Variants in DNAAF4 observed in about 807,000 individuals in gnomAD.
The protein encoded by DNAAF4 is dynein axonemal assembly factor 4.
A neutral mutation model predicts 51.8 loss-of-function variants in DNAAF4; 43 were observed. That is an observed-to-expected ratio of 0.83 (90% CI 0.65 to 1.07). The LOEUF (loss-of-function observed/expected upper bound fraction) is 1.07. DNAAF4 is among the 50% of genes least tolerant of loss of function. The pLI is 0.00. For missense variants in DNAAF4, 581 were observed against 493.0 expected (o/e 1.18, Z -1.69); for synonymous variants, 194 against 165.6 (o/e 1.17, Z -1.32).
chr15:55,457,438 T>C (rs2058036712), intron 5 of DNAAF4, among the ~76,000 whole-genome samples: 1 of 152,046 alleles, frequency 6.6e-6, no homozygotes, highest in South Asian at 2.1e-4. Flanking sequence ...CCAACTAACC[T>C]TGCCCCCACC....
intron 4 of DNAAF4, among the ~76,000 whole-genome samples, chr15:55,474,722 T>C (rs887487169): frequency 6.6e-6 from 1 of 152,174 alleles, no homozygotes; most frequent in Admixed American, 6.5e-5. Context: ...CTCATGCCTG[T>C]AATCCTAGCA....
intron 3 of DNAAF4, chr15:55,495,188 G>A (rs2141596683): frequency 7.9e-6 from 1 of 127,120 alleles, no homozygotes; most frequent in African/African-American, 3.2e-5. Context: ...AACTCTTTAG[G>A]TAGTCTGGGG....
chr15:55,464,835 A>G (rs2141499430), intron 5 of DNAAF4, among the ~76,000 whole-genome samples: 1 of 152,228 alleles, frequency 6.6e-6, no homozygotes, highest in African/African-American at 2.4e-5. Flanking sequence ...CATGCCTGTA[A>G]TCCTAGCTAC....
chr15:55,506,700 G>C (rs1056551473), intron 1 of DNAAF4, among the ~76,000 whole-genome samples: 2 of 152,016 alleles, frequency 1.3e-5, no homozygotes, highest in Non-Finnish European at 2.9e-5. Flanking sequence ...TAAGCCAAAT[G>C]TCTTTCAACA....
chr15:55,477,463 G>A (rs905702915), intron 4 of DNAAF4, among the ~76,000 whole-genome samples: 4 of 146,468 alleles, frequency 2.7e-5, no homozygotes, highest in African/African-American at 7.3e-5. Flanking sequence ...ATACCTGAAT[G>A]GCACTAATAG....
At chr15:55,478,166 A>C (rs1163958486) in intron 4 of DNAAF4, among the ~76,000 whole-genome samples, 1 of 152,174 alleles carries the variant, frequency 6.6e-6, no homozygotes, top group Non-Finnish European at 1.5e-5. Flanking sequence ...TTTTTGATTC[A>C]GGGGCAAGTT....
intron 6 of DNAAF4, among the ~76,000 whole-genome samples, chr15:55,446,300 GGGGGGGGGCAGC>G (rs2057811418): frequency 1.9e-5 from 2 of 104,492 alleles, no homozygotes; most frequent in Non-Finnish European, 3.8e-5. Context: ...CCCAGACGGG[GGGGGGGGGCAGC>G]TGGGCAGAGG....
chr15:55,427,306 T>G (rs1022862587), downstream of DNAAF4, among the ~76,000 whole-genome samples: 23 of 152,144 alleles, frequency 1.5e-4, no homozygotes, highest in African/African-American at 4.8e-4. Flanking sequence ...GGCCTCGTGA[T>G]CCACTCGCCT....
chr15:55,437,288 GAAGAA>G (rs2057628611), intron 7 of DNAAF4, among the ~76,000 whole-genome samples: 1 of 152,180 alleles, frequency 6.6e-6, no homozygotes, highest in Non-Finnish European at 1.5e-5. Context: ...AGGAAGAAAG[GAAGAA>G]GAGAAAGAGG....
Position 55,435,008 on chromosome 15 carries a change from A to G in DNAAF4, c.944T>C (p.Leu315Ser). 1 of 1,612,302 alleles carries G rather than the reference A, an allele frequency of 6.2e-7. No individual in the cohort carries two copies. Among genetic ancestry groups the G allele is most frequent in the East Asian group, 2.2e-5 (1 of 44,832 alleles). ...NYLAAINAYN[L>S]AIRLNNKMPL... Reference sequence around the variant, plus strand: ...CATCTTATTATTTAGTCTTATGGCTAAATTATATGCATTGATAGCTGCCAA... The same window carrying G: ...CATCTTATTATTTAGTCTTATGGCTGAATTATATGCATTGATAGCTGCCAA... The change falls in exon 8 of 10, where the codon TTA becomes TCA. Residue 315 changes from leucine to serine, a missense_variant. Transcript: ENST00000321149.
At chr15:55,449,291 G>C (rs988837871) in intron 6 of DNAAF4, among the ~76,000 whole-genome samples, 6 of 151,314 alleles carry the variant, frequency 4.0e-5, no homozygotes, top group African/African-American at 1.2e-4. Context: ...CGCCCGGCTT[G>C]TCATTATGTC....
chr15:55,495,731 A>C lies in DNAAF4; in HGVS notation c.271+1981T>G, dbSNP rs7167550. 4.5e-4 allele frequency among the ~76,000 whole-genome samples: 68 copies of C among 152,184 alleles called. 1 individual carries two copies. The highest frequency in any genetic ancestry group is 1.6e-3 in the African/African-American group (66 of 41,526). On this transcript the variant is annotated intron_variant, in intron 3 of 9. Coordinates refer to ENST00000321149, the MANE Select transcript of DNAAF4 (RefSeq NM_130810.4). ...AGCGTTGGTGATAGGGTGAGATTCT[A>C]TCTCTTAAAAAACTCAAAATTAAAA...
chr15:55,495,477 C>G (rs998518360), intron 3 of DNAAF4, among the ~76,000 whole-genome samples: 1 of 152,150 alleles, frequency 6.6e-6, no homozygotes, highest in African/African-American at 2.4e-5. Context: ...GTGGCTCACG[C>G]CTGAAATCCC....
chr15:55,435,192 C>T, intron 7 of DNAAF4, 134 bp from the exon 8 acceptor site: 1 of 852,158 alleles, frequency 1.2e-6, no homozygotes, highest in Non-Finnish European at 1.7e-6. Context: ...GTTGCCTGCA[C>T]TGAATCCATC....
intron 1 of DNAAF4, among the ~76,000 whole-genome samples, chr15:55,504,223 A>C (rs143045683): frequency 0.029 from 4,470 of 152,286 alleles, 212 homozygotes; most frequent in African/African-American, 0.099. Flanking sequence ...AGGGATGTGA[A>C]GGACCTCTTC....
chr15:55,498,396 C>G lies in DNAAF4; in HGVS notation c.-67G>C. 1 of 1,561,702 alleles carries G rather than the reference C, an allele frequency of 6.4e-7. No individual in the cohort carries two copies. Among genetic ancestry groups the G allele is most frequent in the Non-Finnish European group, 8.7e-7 (1 of 1,152,726 alleles). On this transcript the variant is annotated 5_prime_UTR_variant, in exon 2 of 10. Transcript: ENST00000321149. ...TGCGCCTGCTTGGTTGCTAGGGAAG[C>G]TGGGGTTACCATGCGCCAGCCCTTC...
At chr15:55,449,696 C>CTTTTTTT (rs368060926) in intron 6 of DNAAF4, among the ~76,000 whole-genome samples, 5 of 91,728 alleles carry the variant, frequency 5.5e-5, no homozygotes, top group Non-Finnish European at 7.7e-5. Context: ...AAAAAGACCG[C>CTTTTTTT]TTTTTTTTTT....
chr15:55,449,327 T>C (rs2057894823), intron 6 of DNAAF4, among the ~76,000 whole-genome samples: 1 of 151,618 alleles, frequency 6.6e-6, no homozygotes, highest in South Asian at 2.1e-4. Context: ...TTTCTACAAT[T>C]TTTCAAATCA....
At chr15:55,439,633 AC>A (rs1254245313) in intron 6 of DNAAF4, 52 bp from the exon 7 acceptor site, 1 of 1,493,566 alleles carries the variant, frequency 6.7e-7, no homozygotes, top group Non-Finnish European at 9.2e-7. Context: ...TTTTTAATTA[AC>A]ATTTCCTTTT....
Sources: gnomAD v4.1 joint callset for allele counts (sites outside exome capture counted in the v4.1 genomes callset) on GRCh38, gnomAD v4.1.1 for gene constraint, MANE v1.5 for transcripts, NCBI Gene and HGNC (gene_info 2026-07-23, HGNC 2026-07-21) for gene names.